Variants in ZC3H18 observed in about 807,000 individuals in gnomAD.
The protein encoded by ZC3H18 is zinc finger CCCH domain-containing protein 18.
Under a neutral mutation model 106.1 loss-of-function variants are expected in ZC3H18, and 8 were observed. The ratio of observed to expected loss-of-function variants is 0.08; its 90% confidence interval spans 0.04 to 0.14. The LOEUF (loss-of-function observed/expected upper bound fraction) is 0.14, where lower values mean the gene tolerates loss of function less well. Ranked by LOEUF, ZC3H18 falls within the 10% of genes least tolerant of loss-of-function variation. The probability of loss-of-function intolerance (pLI) is 1.00; values close to 1 mark genes in which losing one functional copy is unlikely to be tolerated. For missense variants in ZC3H18, 1,318 were observed against 1,278.4 expected (o/e 1.03, Z -0.47); for synonymous variants, 635 against 522.1 (o/e 1.22, Z -2.95).
intron 1 of ZC3H18, among the ~76,000 whole-genome samples, chr16:88,575,545 T>G (rs949250563): frequency 7.2e-5 from 11 of 151,888 alleles, no homozygotes; most frequent in African/African-American, 2.7e-4. Flanking sequence ...AGGCAGGTGT[T>G]GCCGTTCTAC....
chr16:88,625,367 C>CT lies in ZC3H18; in HGVS notation c.2108+101dup. The CT allele has an allele frequency of 4.1e-6, 6 of 1,455,922 alleles. No individual in the cohort carries two copies. The South Asian group carries it at 7.4e-5, about 18-fold the overall frequency. The allele number at this position is 1,455,922 out of a possible 1,614,324, so 90.2% of individuals were successfully genotyped here. ...GGTTGGGCTGTCTCCCACAGGTGGG[C>CT]TGGGGCCCTTCTGGATCTGAGTCAC... On this transcript the variant is annotated intron_variant, in intron 13 of 17. Coordinates refer to ENST00000301011, the MANE Select transcript of ZC3H18 (RefSeq NM_144604.4).
rs1222888902 is a variant in ZC3H18 at position 88,571,618 on chromosome 16, GA to G, written c.-15+1053del. ...GAAACTCCTCTCCCGTTGTAGGTGG[GA>G]CATGCTGAAATATTGTAAGAAAGCT... On this transcript the variant is annotated intron_variant, in intron 1 of 17. Transcript: ENST00000301011. 7 of 985,328 alleles carry G rather than the reference GA, an allele frequency of 7.1e-6. No individual in the cohort carries two copies. In the African/African-American group the frequency reaches 1.0e-4, roughly 15 times the overall value. The allele number at this position is 985,328 out of a possible 1,614,324, so 61.0% of individuals were successfully genotyped here. A position where few individuals can be genotyped will look rare whatever the true frequency, so the allele number is the denominator to read the frequency against.
chr16:88,591,317 AATC>A (rs1330156446), intron 3 of ZC3H18, among the ~76,000 whole-genome samples: 1 of 152,016 alleles, frequency 6.6e-6, no homozygotes, highest in African/African-American at 2.4e-5. Flanking sequence ...TGATGCCTGT[AATC>A]ATAGCACTTT....
At chr16:88,591,632 T>G (rs1176536589) in intron 3 of ZC3H18, among the ~76,000 whole-genome samples, 1 of 152,188 alleles carries the variant, frequency 6.6e-6, no homozygotes, top group Non-Finnish European at 1.5e-5. Context: ...ATTGGGTGTT[T>G]CCCTCATCTG....
At chr16:88,600,486 C>G (rs1311475094) in intron 6 of ZC3H18, among the ~76,000 whole-genome samples, 2 of 152,176 alleles carry the variant, frequency 1.3e-5, no homozygotes, top group African/African-American at 4.8e-5. Flanking sequence ...AATCTTGGCT[C>G]ACTGCAACCT....
intron 3 of ZC3H18, among the ~76,000 whole-genome samples, chr16:88,590,714 C>T (rs1915701573): frequency 6.6e-6 from 1 of 151,728 alleles, no homozygotes. Flanking sequence ...CATCTGCCAC[C>T]ACCCCCAACT....
intron 2 of ZC3H18, among the ~76,000 whole-genome samples, chr16:88,580,975 C>T (rs1279007853): frequency 1.3e-5 from 2 of 152,164 alleles, no homozygotes; most frequent in African/African-American, 4.8e-5. Flanking sequence ...CAGGTCCCAG[C>T]AGGGTCTTAC....
chr16:88,580,141 G>A (rs1158882093), intron 2 of ZC3H18, among the ~76,000 whole-genome samples: 5 of 148,956 alleles, frequency 3.4e-5, no homozygotes, highest in African/African-American at 5.0e-5. Context: ...CCTCTCTGTC[G>A]TGACACAGGT....
chr16:88,629,976 A>G (rs983446944), intron 16 of ZC3H18, among the ~76,000 whole-genome samples: 1 of 152,190 alleles, frequency 6.6e-6, no homozygotes, highest in African/African-American at 2.4e-5. Flanking sequence ...GGTCTGGAAC[A>G]GCCTTGCTGC....
chr16:88,627,426 A>G lies in ZC3H18; in HGVS notation c.2109-196A>G. 1 of 617,624 alleles carries G rather than the reference A, an allele frequency of 1.6e-6. No homozygotes were observed. Among genetic ancestry groups the G allele is most frequent in the South Asian group, 2.7e-5 (1 of 36,506 alleles). The allele number at this position is 617,624 out of a possible 1,614,324, so 38.3% of individuals were successfully genotyped here. On this transcript the variant is annotated intron_variant, in intron 13 of 17. Transcript: ENST00000301011. This position sits in a 1 kb window ranked among gnomAD's most constrained non-coding sequence, Gnocchi z 4.5. Reference sequence around the variant, plus strand: ...CTGCAACCTGACATTGATTAGTGAAATGGGGCCCTGGCCTAGCCATGGGGA... The same window carrying G: ...CTGCAACCTGACATTGATTAGTGAAGTGGGGCCCTGGCCTAGCCATGGGGA...
At chr16:88,630,756 A>AC (rs1281479340) in intron 17 of ZC3H18, among the ~76,000 whole-genome samples, 175 bp downstream of exon 17, 4,796 of 50,200 alleles carry the variant, frequency 0.096, 544 homozygotes, top group Non-Finnish European at 0.13. Flanking sequence ...CCCACCCCCC[A>AC]CCCCCCCCCA....
At chr16:88,609,382 C>T (rs568445261) in intron 7 of ZC3H18, 1 of 177,518 alleles carries the variant, frequency 5.6e-6, no homozygotes, top group East Asian at 1.6e-4. Flanking sequence ...ACTGCAACCT[C>T]TACCTCCTGG....
intron 3 of ZC3H18, among the ~76,000 whole-genome samples, chr16:88,596,983 C>T (rs969530129): frequency 2.0e-5 from 3 of 152,160 alleles, no homozygotes; most frequent in East Asian, 3.9e-4. Context: ...TGCAGTGGCA[C>T]GATCTCGGCT....
chr16:88,606,861 G>A (rs1283626662), intron 6 of ZC3H18, among the ~76,000 whole-genome samples: 4 of 152,170 alleles, frequency 2.6e-5, no homozygotes, highest in Admixed American at 1.3e-4. Context: ...AGGAGGCCTC[G>A]AGGGTGTTCG....
intron 7 of ZC3H18, 31 bp from the exon 8 acceptor site, chr16:88,611,237 G>T: frequency 1.3e-6 from 1 of 745,086 alleles, no homozygotes; most frequent in East Asian, 2.5e-5. Flanking sequence ...ATAACGCACG[G>T]TGTCCCCATG....
At chr16:88,576,803 T>C (rs79229643) in intron 1 of ZC3H18, among the ~76,000 whole-genome samples, 24 of 152,374 alleles carry the variant, frequency 1.6e-4, no homozygotes, top group African/African-American at 5.8e-4. Context: ...ACTCACTTTC[T>C]GTTAACTCGT....
intron 8 of ZC3H18, among the ~76,000 whole-genome samples, chr16:88,615,039 A>G (rs1403518729): frequency 1.3e-5 from 1 of 75,564 alleles, no homozygotes; most frequent in Admixed American, 1.5e-4. Flanking sequence ...GGCTGCCCCC[A>G]CCTGCTCCGT....
In ZC3H18 at chr16:88,598,288, C is replaced by A. The variant is rs1383429710; in HGVS notation, c.799C>A (p.Pro267Thr). The A allele has an allele frequency of 6.2e-7, 1 of 1,608,224 alleles. No individual in the cohort carries two copies. The highest frequency in any genetic ancestry group is 1.7e-5 in the Admixed American group (1 of 57,612). The change falls in exon 4 of 18, where the codon CCT becomes ACT. Residue 267 changes from proline (P) to threonine (T), a missense_variant. Physicochemically the swap from Pro to Thr is conservative, Grantham distance 38. Around this residue, in one of 6 missense-constraint regions of ZC3H18, gnomAD observed 78 missense variants for 67.3 expected, o/e 1.16. Coordinates refer to ENST00000301011, the MANE Select transcript of ZC3H18 (RefSeq NM_144604.4). ...ADPFPPNGAPPLGPHPLMPAN... is the reference protein window; with the variant it reads ...ADPFPPNGAPTLGPHPLMPAN... ...CCCCTTCCCGCCTAATGGTGCCCCG[C>A]CTCTCGGACCTCACCCGCTGATGCC...
intron 8 of ZC3H18, among the ~76,000 whole-genome samples, chr16:88,613,029 C>T (rs1954486472): frequency 6.6e-6 from 1 of 152,108 alleles, no homozygotes; most frequent in South Asian, 2.1e-4. Context: ...ACATTGTACC[C>T]ATCAGCAGTC....
Sources: allele counts gnomAD v4.1 joint callset (sites outside exome capture counted in the v4.1 genomes callset), GRCh38; gene constraint gnomAD v4.1.1; regional missense constraint gnomAD v4.1.1; non-coding constraint Gnocchi (gnomAD v3.1); transcripts MANE v1.5; gene names NCBI Gene and HGNC (gene_info 2026-07-23, HGNC 2026-07-21).